The following PRKAR1B variants were observed in gnomAD, a reference collection of about 807,000 sequenced individuals.
The protein encoded by PRKAR1B is cAMP-dependent protein kinase type I-beta regulatory subunit.
Under a neutral mutation model 46.5 loss-of-function variants are expected in PRKAR1B, and 22 were observed. That is an observed-to-expected ratio of 0.47 (90% CI 0.34 to 0.68). PRKAR1B has a LOEUF of 0.68. PRKAR1B is among the 30% of genes least tolerant of loss of function. The probability of loss-of-function intolerance (pLI) is 0.01; values close to 1 mark genes in which losing one functional copy is unlikely to be tolerated. For synonymous variants in PRKAR1B, 259 were observed against 217.7 expected, an observed-to-expected ratio of 1.19 and a Z score of -1.67; for missense variants, 445 against 535.6, an observed-to-expected ratio of 0.83 and a Z score of 1.67.
In PRKAR1B at chr7:644,966, G is replaced by T. The variant is rs576340242; in HGVS notation, c.440+32263C>A. On this transcript the variant is annotated intron_variant, in intron 4 of 10. Coordinates refer to ENST00000537384, the MANE Select transcript of PRKAR1B (RefSeq NM_001164760.2). The surrounding 1 kb of genome is among the most constrained non-coding windows in gnomAD (Gnocchi z 4.9). ...GTGACCCAAGACAAGCCTCTTCTCC[G>T]CAATGAGCCGTCTCTTCAGCCTCTA... Among the ~76,000 whole-genome samples the T allele has an allele frequency of 2.0e-5, 3 of 152,164 alleles. No individual in the cohort carries two copies. The highest frequency in any genetic ancestry group is 2.9e-5 in the Non-Finnish European group (2 of 68,028).
At chr7:596,024 G>C (rs952690339) in intron 7 of PRKAR1B, 122 bp downstream of exon 7, 2 of 1,281,584 alleles carry the variant, frequency 1.6e-6, no homozygotes, top group African/African-American at 3.0e-5. Flanking sequence ...GGCCAGATCT[G>C]TCAGGGAGGT....
At chr7:704,662 G>A (rs999704983) in intron 2 of PRKAR1B, among the ~76,000 whole-genome samples, 2 of 152,084 alleles carry the variant, frequency 1.3e-5, no homozygotes, top group East Asian at 3.9e-4. Context: ...CCAGCTACTC[G>A]GGAGGCTGAG....
chr7:550,038 C>G lies in PRKAR1B; in HGVS notation c.*392G>C. The G allele has an allele frequency of 4.8e-6, 1 of 207,408 alleles. No homozygotes were observed. The highest frequency in any genetic ancestry group is 9.8e-6 in the Non-Finnish European group (1 of 102,338). The allele number at this position is 207,408 out of a possible 1,614,324, so 12.8% of individuals were successfully genotyped here. On this transcript the variant is annotated 3_prime_UTR_variant, in exon 11 of 11. Coordinates refer to ENST00000537384, the MANE Select transcript of PRKAR1B (RefSeq NM_001164760.2). ...ACACTCAGACCTCAATCTGGGGGAC[C>G]TGACCTCACAGGGTCACCAGGCCCC...
chr7:703,856 A>C (rs2128523809), intron 2 of PRKAR1B, among the ~76,000 whole-genome samples: 1 of 152,276 alleles, frequency 6.6e-6, no homozygotes, highest in South Asian at 2.1e-4. Context: ...ATTCAAAACC[A>C]TATAAGCTAT....
chr7:586,326 C>T (rs1249473322), intron 7 of PRKAR1B, among the ~76,000 whole-genome samples: 1 of 151,434 alleles, frequency 6.6e-6, no homozygotes, highest in Non-Finnish European at 1.5e-5. Flanking sequence ...ATAGGGCTGA[C>T]GGATGCAACT....
chr7:576,117 G>A (rs1779810450), intron 9 of PRKAR1B, among the ~76,000 whole-genome samples: 1 of 150,410 alleles, frequency 6.6e-6, no homozygotes, highest in South Asian at 2.1e-4. Flanking sequence ...AGTCTCCTCT[G>A]CACACGGGCG....
chr7:727,211 T>C lies in PRKAR1B; in HGVS notation c.-24A>G. On this transcript the variant is annotated splice_region_variant and 5_prime_UTR_variant, in exon 1 of 11. Coordinates refer to ENST00000537384, the MANE Select transcript of PRKAR1B (RefSeq NM_001164760.2). The stretch of plus-strand genomic sequence containing the variant: ...TGCGGCGCCGCGCTCGCGCCCCACC[T>C]GGACGACGCTCTGCGCGCGCTGCGC... The C allele has an allele frequency of 7.4e-7, 1 of 1,348,580 alleles. No homozygotes were observed. Among genetic ancestry groups the C allele is most frequent in the Non-Finnish European group, 9.5e-7 (1 of 1,048,964 alleles). The allele number at this position is 1,348,580 out of a possible 1,614,324, so 83.5% of individuals were successfully genotyped here. A position where few individuals can be genotyped will look rare whatever the true frequency, so the allele number is the denominator to read the frequency against.
intron 2 of PRKAR1B, chr7:691,578 A>G (rs1369374084): frequency 7.7e-7 from 1 of 1,304,460 alleles, no homozygotes; most frequent in Admixed American, 2.3e-5. Flanking sequence ...GCCTACACGC[A>G]GTCCTTTCGG....
upstream of PRKAR1B, chr7:727,389 C>T: frequency 1.2e-6 from 1 of 860,362 alleles, no homozygotes; most frequent in Non-Finnish European, 1.5e-6. Flanking sequence ...CGGCCCCTCT[C>T]ACAACCCCCG....
chr7:677,421 C>A, intron 3 of PRKAR1B, 101 bp from the exon 4 acceptor site: 1 of 960,934 alleles, frequency 1.0e-6, no homozygotes. Flanking sequence ...TGTTATCAGG[C>A]AATGGTACAA....
intron 4 of PRKAR1B, among the ~76,000 whole-genome samples, chr7:632,956 G>C (rs556992443): frequency 4.6e-5 from 7 of 152,346 alleles, no homozygotes; most frequent in Admixed American, 2.0e-4. Flanking sequence ...GGCCGGCTCC[G>C]GCAAGCCTCC....
chr7:580,398 C>CA (rs200369076), intron 8 of PRKAR1B, among the ~76,000 whole-genome samples: 33,171 of 137,116 alleles, frequency 0.24, 4,130 homozygotes, highest in African/African-American at 0.35. Context: ...TACTAAAATA[C>CA]AAAAAAAATA....
chr7:686,511 T>C (rs1779106255), intron 2 of PRKAR1B, among the ~76,000 whole-genome samples: 1 of 152,044 alleles, frequency 6.6e-6, no homozygotes, highest in African/African-American at 2.4e-5. Flanking sequence ...TAGTTATTAT[T>C]TACTACCACT....
In PRKAR1B at chr7:726,531, A is replaced by C. The variant is rs62432205; in HGVS notation, c.-23+679T>G. On this transcript the variant is annotated intron_variant, in intron 1 of 10. Coordinates refer to ENST00000537384, the MANE Select transcript of PRKAR1B (RefSeq NM_001164760.2). ...GGGGACAGGACAAGGCCCAGCAGGC[A>C]GGCTGGCGGGGGTTCCGGCGACAGA... 399,296 of 414,506 alleles carry C rather than the reference A, an allele frequency of 0.96. 192,496 individuals are homozygous for C. The highest frequency in any genetic ancestry group is 1 in the East Asian group (27,106 of 27,116). 25.7% of individuals were successfully genotyped at this position (414,506 alleles called of 1,614,324 possible). A position where few individuals can be genotyped will look rare whatever the true frequency, so the allele number is the denominator to read the frequency against.
At chr7:679,756 C>G (rs1299046306) in intron 3 of PRKAR1B, among the ~76,000 whole-genome samples, 21 of 152,140 alleles carry the variant, frequency 1.4e-4, no homozygotes, top group Admixed American at 1.4e-3. Flanking sequence ...TATGGAAGCC[C>G]TAACCAGCCA....
At chr7:702,963 C>T (rs919540284) in intron 2 of PRKAR1B, among the ~76,000 whole-genome samples, 1 of 151,648 alleles carries the variant, frequency 6.6e-6, no homozygotes, top group African/African-American at 2.4e-5. Context: ...AATCTAAACA[C>T]ACCAATTAAA....
intron 4 of PRKAR1B, among the ~76,000 whole-genome samples, chr7:674,825 T>A (rs574804638): frequency 6.6e-6 from 1 of 152,354 alleles, no homozygotes; most frequent in South Asian, 2.1e-4. Flanking sequence ...TTGGGGTAAC[T>A]GGGCACCCTG....
chr7:551,320 A>G (rs891159234), intron 10 of PRKAR1B, 69 bp downstream of exon 10: 6 of 1,457,446 alleles, frequency 4.1e-6, no homozygotes, highest in Admixed American at 2.0e-5. Flanking sequence ...CCTCACCTCC[A>G]GGCCCCTCCC....
At chr7:564,672 C>T (rs1361999431) in intron 9 of PRKAR1B, among the ~76,000 whole-genome samples, 1 of 152,214 alleles carries the variant, frequency 6.6e-6, no homozygotes, top group Non-Finnish European at 1.5e-5. Context: ...GCCCAGGGCG[C>T]CAGCACTGAC....
Sources: gnomAD v4.1 joint callset for allele counts (sites outside exome capture counted in the v4.1 genomes callset) on GRCh38, gnomAD v4.1.1 for gene constraint, Gnocchi (gnomAD v3.1) non-coding constraint, MANE v1.5 for transcripts, NCBI Gene and HGNC (gene_info 2026-07-23, HGNC 2026-07-21) for gene names.